Variants in PPFIA2 observed in about 807,000 individuals in gnomAD.
The protein encoded by PPFIA2 is liprin-alpha-2.
In PPFIA2, 46 loss-of-function variants were observed where a neutral mutation model predicts 175.5. The ratio of observed to expected loss-of-function variants is 0.26; its 90% CI spans 0.21 to 0.34. The LOEUF (loss-of-function observed/expected upper bound fraction) is 0.34, where lower values mean the gene tolerates loss of function less well. Among genes scored for constraint, PPFIA2 ranks in the 10% least tolerant of loss-of-function variants. PPFIA2 has a pLI of 1.00. For missense variants in PPFIA2, 1,179 were observed against 1,506.1 expected (o/e 0.78, Z 3.60); for synonymous variants, 568 against 511.4 (o/e 1.11, Z -1.49).
intron 8 of PPFIA2, among the ~76,000 whole-genome samples, chr12:81,389,290 C>A (rs775798649): frequency 1.9e-4 from 28 of 151,178 alleles, no homozygotes; most frequent in Non-Finnish European, 3.2e-4. Context: ...TGTGCACCTG[C>A]GCTCCATTAA....
intron 4 of PPFIA2, among the ~76,000 whole-genome samples, chr12:81,478,017 C>G (rs1056762752): frequency 1.3e-5 from 2 of 152,018 alleles, no homozygotes; most frequent in African/African-American, 4.8e-5. Flanking sequence ...TGGTGGAATT[C>G]GGCTGTGAAT....
At chr12:81,664,395 T>C in intron 4 of PPFIA2, among the ~76,000 whole-genome samples, 1 of 152,034 alleles carries the variant, frequency 6.6e-6, no homozygotes, top group South Asian at 2.1e-4. Context: ...GAACAGACAC[T>C]TCTCAAAAGA....
At chr12:81,552,868 TA>T (rs997307366) in intron 4 of PPFIA2, among the ~76,000 whole-genome samples, 2 of 152,124 alleles carry the variant, frequency 1.3e-5, no homozygotes, top group African/African-American at 4.8e-5. Context: ...CTATGCCACC[TA>T]CACTCAGTCC....
In PPFIA2 at chr12:81,550,006, T is replaced by C. The variant is rs1157130709; in HGVS notation, c.304-92140A>G. Among the ~76,000 whole-genome samples the C allele has an allele frequency of 3.3e-5, 5 of 152,020 alleles. No individual in the cohort carries two copies. The East Asian group carries it at 9.6e-4, about 29-fold the overall frequency. On this transcript the variant is annotated intron_variant, in intron 4 of 32. Coordinates refer to ENST00000549396, the MANE Select transcript of PPFIA2 (RefSeq NM_003625.5). ...AGGTATATTCCAAGGCAAAGATAGC[T>C]TTCTTTCTGAAAGGACCCTTTAAAT...
intron 28 of PPFIA2, among the ~76,000 whole-genome samples, chr12:81,275,142 TG>T (rs2040190178): frequency 6.6e-6 from 1 of 152,256 alleles, no homozygotes; most frequent in Non-Finnish European, 1.5e-5. Flanking sequence ...AACTTCCTTC[TG>T]GGGTCCATCT....
intron 4 of PPFIA2, among the ~76,000 whole-genome samples, chr12:81,662,536 C>T (rs1003487592): frequency 6.6e-6 from 1 of 152,044 alleles, no homozygotes; most frequent in African/African-American, 2.4e-5. Flanking sequence ...CAATAACAGG[C>T]TCTGAAATTG....
intron 4 of PPFIA2, among the ~76,000 whole-genome samples, chr12:81,628,277 C>T (rs1260552536): frequency 6.6e-6 from 1 of 151,770 alleles, no homozygotes. Context: ...AGGTATTAAG[C>T]ATCAATTGAT....
intron 4 of PPFIA2, among the ~76,000 whole-genome samples, chr12:81,580,222 A>G (rs1165942676): frequency 6.6e-6 from 1 of 151,840 alleles, no homozygotes; most frequent in Non-Finnish European, 1.5e-5. Context: ...TTACATATGC[A>G]GTATCTCAGT....
intron 5 of PPFIA2, 53 bp from the exon 6 acceptor site, chr12:81,445,773 C>A: frequency 2.7e-6 from 4 of 1,507,134 alleles, no homozygotes; most frequent in South Asian, 1.2e-5. Flanking sequence ...GTCATAAATA[C>A]TTACAAATGA....
At chr12:81,582,002 C>A (rs2074488092) in intron 4 of PPFIA2, among the ~76,000 whole-genome samples, 1 of 151,826 alleles carries the variant, frequency 6.6e-6, no homozygotes, top group Non-Finnish European at 1.5e-5. Context: ...ATTAACGTTT[C>A]AAGTTTAGAT....
chr12:81,291,547 G>A lies in PPFIA2; in HGVS notation c.2925+3288C>T, dbSNP rs144832232. Among the ~76,000 whole-genome samples, 879 of 152,044 alleles carry A rather than the reference G, an allele frequency of 5.8e-3. 3 individuals are homozygous for A. Among genetic ancestry groups the A allele is most frequent in the Admixed American group, 0.01 (157 of 15,214 alleles). ...TGATCTATACAATGATTATTTTAAG[G>A]TGAATATTTACATAATATCTAAAAT... On this transcript the variant is annotated intron_variant, in intron 24 of 32. Coordinates refer to ENST00000549396, the MANE Select transcript of PPFIA2 (RefSeq NM_003625.5).
At chr12:81,388,927 G>A (rs139784819) in intron 8 of PPFIA2, among the ~76,000 whole-genome samples, 1 of 151,490 alleles carries the variant, frequency 6.6e-6, no homozygotes, top group Non-Finnish European at 1.5e-5. Flanking sequence ...CATGTACCAA[G>A]CAGGTACCAA....
chr12:81,521,938 T>C (rs1002736831), intron 4 of PPFIA2, among the ~76,000 whole-genome samples: 1 of 152,206 alleles, frequency 6.6e-6, no homozygotes, highest in Non-Finnish European at 1.5e-5. Context: ...TGTAGATTGT[T>C]ACATAAAGGA....
At position 81,721,798 on chromosome 12, in the gene PPFIA2, C is replaced by A. The variant is rs367882227; in HGVS notation, c.249+32175G>T. On this transcript the variant is annotated intron_variant, in intron 3 of 32. Transcript: ENST00000549396. ...GTCACATAAAACTGGCTTCATCTTT[C>A]ACTGTTTGTTTGATCTGGGATAAAA... Among the ~76,000 whole-genome samples, 358 of 151,314 alleles carry A rather than the reference C, an allele frequency of 2.4e-3. 2 individuals carry two copies. The highest frequency in any genetic ancestry group is 8.4e-3 in the African/African-American group (347 of 41,428).
intron 4 of PPFIA2, chr12:81,675,621 T>G (rs912087951): frequency 1.3e-5 from 2 of 152,018 alleles, no homozygotes; most frequent in Admixed American, 6.6e-5. Flanking sequence ...AGATCTACTT[T>G]TCTGATGTAA....
At chr12:81,434,802 A>T (rs1201260034) in intron 7 of PPFIA2, among the ~76,000 whole-genome samples, 1 of 152,110 alleles carries the variant, frequency 6.6e-6, no homozygotes, top group Non-Finnish European at 1.5e-5. Flanking sequence ...TGACTCTAAA[A>T]CAACTTTATT....
chr12:81,366,481 C>T (rs570845411), intron 14 of PPFIA2, among the ~76,000 whole-genome samples: 3 of 151,724 alleles, frequency 2.0e-5, no homozygotes, highest in African/African-American at 4.8e-5. Flanking sequence ...CTTAAATCTT[C>T]AGTCAAGTCC....
chr12:81,692,109 G>GACACACACACACACACAC (rs71098161), intron 3 of PPFIA2, among the ~76,000 whole-genome samples: 9 of 149,298 alleles, frequency 6.0e-5, no homozygotes, highest in Non-Finnish European at 4.4e-5. Flanking sequence ...CACAAACACA[G>GACACACACACACACACAC]ACACACACAC....
intron 21 of PPFIA2, among the ~76,000 whole-genome samples, chr12:81,338,350 T>C (rs933977940): frequency 6.6e-6 from 1 of 152,142 alleles, no homozygotes; most frequent in Non-Finnish European, 1.5e-5. Flanking sequence ...GAAGGATATA[T>C]ATAATCATTT....
Sources: allele counts gnomAD v4.1 joint callset (sites outside exome capture counted in the v4.1 genomes callset), GRCh38; gene constraint gnomAD v4.1.1; transcripts MANE v1.5; gene names NCBI Gene and HGNC (gene_info 2026-07-23, HGNC 2026-07-21).